Variants in SLX9 observed in about 807,000 individuals in gnomAD.
SLX9 encodes SLX9 ribosome biogenesis factor.
SLX9 carries 19 observed loss-of-function variants against 20.8 expected under a neutral mutation model. The ratio of observed to expected loss-of-function variants is 0.91; its 90% CI spans 0.64 to 1.34. The LOEUF (loss-of-function observed/expected upper bound fraction) is 1.34. Ranked by LOEUF, SLX9 falls within the 40% of genes most tolerant of loss-of-function variation. SLX9 has a pLI of 0.00. For missense variants in SLX9, 299 were observed against 322.2 expected (o/e 0.93, Z 0.55); for synonymous variants, 113 against 137.1 (o/e 0.82, Z 1.23).
chr21:44,971,011 G>A (rs958455506), intron 4 of SLX9, among the ~76,000 whole-genome samples: 4 of 152,226 alleles, frequency 2.6e-5, no homozygotes, highest in Admixed American at 6.5e-5. Flanking sequence ...TGGGGTCCAC[G>A]TCACTCCTGG....
chr21:44,974,786 G>A (rs140187192), intron 5 of SLX9, among the ~76,000 whole-genome samples: 1 of 152,312 alleles, frequency 6.6e-6, no homozygotes, highest in Non-Finnish European at 1.5e-5. Context: ...AGTCTTGTCT[G>A]GAGACAGTTT....
chr21:44,959,978 C>G (rs1034144740), intron 2 of SLX9, 122 bp from the exon 3 acceptor site: 1 of 837,752 alleles, frequency 1.2e-6, no homozygotes, highest in Non-Finnish European at 2.0e-6. Context: ...GAGGCTGGCA[C>G]AGGCCAGACC....
At chr21:44,954,337 C>G (rs2084814866) in intron 2 of SLX9, among the ~76,000 whole-genome samples, 1 of 152,144 alleles carries the variant, frequency 6.6e-6, no homozygotes, top group Non-Finnish European at 1.5e-5. Flanking sequence ...CACAGGCTGT[C>G]TCCAGTGCTC....
chr21:44,965,615 C>T (rs2085019849), intron 3 of SLX9, among the ~76,000 whole-genome samples: 1 of 152,210 alleles, frequency 6.6e-6, no homozygotes, highest in African/African-American at 2.4e-5. Context: ...GCTTTCTTGC[C>T]TCTTGAGTGG....
At chr21:44,951,120 C>T (rs1387243249) in intron 2 of SLX9, among the ~76,000 whole-genome samples, 2 of 152,142 alleles carry the variant, frequency 1.3e-5, no homozygotes, top group African/African-American at 2.4e-5. Flanking sequence ...GCAGAACACA[C>T]AGGAGAAGAT....
At chr21:44,970,105 C>A (rs573185798) in intron 4 of SLX9, among the ~76,000 whole-genome samples, 20 of 152,220 alleles carry the variant, frequency 1.3e-4, no homozygotes, top group Non-Finnish European at 2.2e-4. Context: ...TGAGACCCCC[C>A]CTCCATGCTG....
intron 1 of SLX9, among the ~76,000 whole-genome samples, chr21:44,943,293 G>C (rs1370442268): frequency 6.6e-6 from 1 of 152,230 alleles, no homozygotes; most frequent in African/African-American, 2.4e-5. Flanking sequence ...GAGCTGTCAG[G>C]CTGGGAGCTG....
intron 4 of SLX9, among the ~76,000 whole-genome samples, chr21:44,968,242 GGTGACGCAACCCCCA>G (rs1352507736): frequency 6.7e-6 from 1 of 149,486 alleles, no homozygotes; most frequent in Non-Finnish European, 1.5e-5. Context: ...CCTGCCACCC[GGTGACGCAACCCCCA>G]GTGACACAAC....
chr21:44,947,044 A>C (rs1174445376), intron 2 of SLX9, among the ~76,000 whole-genome samples: 1 of 152,160 alleles, frequency 6.6e-6, no homozygotes, highest in African/African-American at 2.4e-5. Context: ...CAGGCGCCTC[A>C]GTGGGGTCCT....
chr21:44,972,008 AGCTAGG>A (rs1321846120), intron 4 of SLX9, among the ~76,000 whole-genome samples: 1 of 152,212 alleles, frequency 6.6e-6, no homozygotes, highest in Non-Finnish European at 1.5e-5. Flanking sequence ...ATCAGCGCAG[AGCTAGG>A]GTTAAAAGAA....
At chr21:44,950,821 G>T (rs113546017) in intron 2 of SLX9, among the ~76,000 whole-genome samples, 197 of 152,238 alleles carry the variant, frequency 1.3e-3, no homozygotes, top group African/African-American at 4.5e-3. Context: ...CGTCCTCAGG[G>T]TTTCTGCGAT....
chr21:44,948,333 C>T (rs1419818356), intron 2 of SLX9, among the ~76,000 whole-genome samples: 3 of 103,324 alleles, frequency 2.9e-5, no homozygotes, highest in Non-Finnish European at 5.4e-5. Flanking sequence ...GAGCATCGGG[C>T]GTCCGGGGAG....
At chr21:44,953,213 A>G (rs543123908) in intron 2 of SLX9, among the ~76,000 whole-genome samples, 1 of 152,316 alleles carries the variant, frequency 6.6e-6, no homozygotes, top group South Asian at 2.1e-4. Context: ...CTACAGGGCT[A>G]TCCCTTCCTC....
chr21:44,972,808 C>A (rs1176783436), intron 4 of SLX9, among the ~76,000 whole-genome samples: 1 of 152,190 alleles, frequency 6.6e-6, no homozygotes. Context: ...GTCTGCGCAG[C>A]CTGCCCTGGC....
chr21:44,959,630 T>C (rs73906978), intron 2 of SLX9, among the ~76,000 whole-genome samples: 8,263 of 152,224 alleles, frequency 0.054, 720 homozygotes, highest in African/African-American at 0.19. Context: ...CCGAGCACAT[T>C]GTCGGGCCTG....
At chr21:44,964,563 C>T (rs1406748689) in intron 3 of SLX9, among the ~76,000 whole-genome samples, 1 of 152,218 alleles carries the variant, frequency 6.6e-6, no homozygotes, top group African/African-American at 2.4e-5. Flanking sequence ...CTATGCTCCA[C>T]CACACAGCCT....
At chr21:44,944,143 T>C (rs1201141554) in intron 2 of SLX9, among the ~76,000 whole-genome samples, 1 of 152,266 alleles carries the variant, frequency 6.6e-6, no homozygotes, top group African/African-American at 2.4e-5. Flanking sequence ...CCGTGTGTGC[T>C]GATTCTTTCG....
At chr21:44,962,713 G>A (rs2084966724) in intron 3 of SLX9, among the ~76,000 whole-genome samples, 1 of 152,152 alleles carries the variant, frequency 6.6e-6, no homozygotes, top group African/African-American at 2.4e-5. Context: ...CATAGGGTAG[G>A]TGTATGTTTA....
chr21:44,976,522 C>T (rs531282090), intron 5 of SLX9, among the ~76,000 whole-genome samples, 158 bp from the exon 6 acceptor site: 476 of 152,276 alleles, frequency 3.1e-3, no homozygotes, highest in African/African-American at 0.011. Context: ...CCGGGGCAGC[C>T]TCTCCCCTCC....
Sources: allele counts gnomAD v4.1 joint callset (sites outside exome capture counted in the v4.1 genomes callset), GRCh38; gene constraint gnomAD v4.1.1; transcripts MANE v1.5; gene names NCBI Gene and HGNC (gene_info 2026-07-23, HGNC 2026-07-21).